Variants in PCBP3 observed in about 807,000 individuals in gnomAD.
PCBP3 encodes the protein poly(rC) binding protein 3, also known as poly(rC)-binding protein 3.
A neutral mutation model predicts 52.7 loss-of-function variants in PCBP3; 25 were observed. That is an observed-to-expected ratio of 0.47 (90% CI 0.35 to 0.66). The LOEUF is 0.66. Among genes scored for constraint, PCBP3 ranks in the 30% least tolerant of loss-of-function variants. The pLI, the probability that PCBP3 is intolerant of heterozygous loss-of-function variation, is 0.01. For synonymous variants in PCBP3, 162 were observed against 183.0 expected, an observed-to-expected ratio of 0.89 and a Z score of 0.93; for missense variants, 391 against 490.3, an observed-to-expected ratio of 0.80 and a Z score of 1.91.
At chr21:45,799,552 G>T (rs1036436792) in intron 4 of PCBP3, among the ~76,000 whole-genome samples, 3 of 152,128 alleles carry the variant, frequency 2.0e-5, no homozygotes, top group Non-Finnish European at 2.9e-5. Context: ...GTCTTGGAAC[G>T]TACCCCTCTT....
rs1434135119 is a variant in PCBP3, at chr21:45,656,673, AAAAT to A, written c.-278-12192_-278-12189del. On this transcript the variant is annotated intron_variant, in intron 1 of 17. Coordinates refer to ENST00000681687, the MANE Select transcript of PCBP3 (RefSeq NM_001384156.1). The surrounding 1 kb of genome is among the most constrained non-coding windows in gnomAD (Gnocchi z 4.3). ...AAAAAAATAGCTGAAAACAAAAACA[AAAAT>A]AAATAAATCCTTTGCCCATTTAAAA... Among the ~76,000 whole-genome samples, 21 of 152,304 alleles carry A rather than the reference AAAAT, an allele frequency of 1.4e-4. No homozygotes were observed. Among genetic ancestry groups the A allele is most frequent in the Middle Eastern group, 6.8e-3 (2 of 294 alleles).
At chr21:45,812,582 A>G (rs928088725) in intron 4 of PCBP3, among the ~76,000 whole-genome samples, 2 of 152,092 alleles carry the variant, frequency 1.3e-5, no homozygotes, top group African/African-American at 4.8e-5. Context: ...TTGTATTTTT[A>G]GTACAAACCG....
chr21:45,865,027 G>A (rs1470593753), intron 5 of PCBP3, among the ~76,000 whole-genome samples: 4 of 152,168 alleles, frequency 2.6e-5, no homozygotes, highest in Admixed American at 6.5e-5. Flanking sequence ...CTAAAGGACT[G>A]TTTCTTACCC....
chr21:45,933,825 C>A (rs1275815256), intron 15 of PCBP3, among the ~76,000 whole-genome samples: 1 of 152,108 alleles, frequency 6.6e-6, no homozygotes, highest in African/African-American at 2.4e-5. Context: ...GGTGCCAGTA[C>A]CATAAGACAA....
chr21:45,820,343 T>C (rs572008728), intron 4 of PCBP3, among the ~76,000 whole-genome samples: 1 of 152,364 alleles, frequency 6.6e-6, no homozygotes, highest in South Asian at 2.1e-4. Context: ...CCCCATTTTA[T>C]CTCGTCGCTT....
intron 5 of PCBP3, among the ~76,000 whole-genome samples, chr21:45,876,772 C>G (rs1004318341): frequency 1.3e-5 from 2 of 152,268 alleles, no homozygotes; most frequent in African/African-American, 4.8e-5. Context: ...CCACCCACCC[C>G]GCACTGTGTT....
intron 1 of PCBP3, among the ~76,000 whole-genome samples, chr21:45,646,647 A>G (rs2079332238): frequency 6.6e-6 from 1 of 152,232 alleles, no homozygotes; most frequent in Non-Finnish European, 1.5e-5. Flanking sequence ...ATGAGGGCAG[A>G]GCCCTCTTGA....
chr21:45,851,379 G>T (rs1298577704), intron 5 of PCBP3, among the ~76,000 whole-genome samples: 1 of 152,188 alleles, frequency 6.6e-6, no homozygotes, highest in Non-Finnish European at 1.5e-5. Context: ...AGGTGTGGTG[G>T]TGTGTGCCTT....
At chr21:45,910,692 G>A (rs768881094) in intron 10 of PCBP3, among the ~76,000 whole-genome samples, 10 of 151,804 alleles carry the variant, frequency 6.6e-5, no homozygotes, top group Middle Eastern at 6.8e-3. Context: ...AAGTGCGCCC[G>A]AGGGAAGGCA....
chr21:45,718,349 T>C (rs970805588), intron 2 of PCBP3, among the ~76,000 whole-genome samples: 1 of 151,964 alleles, frequency 6.6e-6, no homozygotes, highest in Non-Finnish European at 1.5e-5. Flanking sequence ...ATAGTATTTG[T>C]TGTTTCCTTC....
chr21:45,669,805 G>GTGTATATATA (rs1228443065), intron 2 of PCBP3, among the ~76,000 whole-genome samples: 1 of 49,724 alleles, frequency 2.0e-5, no homozygotes, highest in Non-Finnish European at 3.9e-5. Flanking sequence ...GTGTGTGTGT[G>GTGTATATATA]TATATATATA....
intron 5 of PCBP3, among the ~76,000 whole-genome samples, chr21:45,877,094 T>C (rs2095279108): frequency 6.6e-6 from 1 of 152,248 alleles, no homozygotes; most frequent in Admixed American, 6.5e-5. Flanking sequence ...GCCTTACAAC[T>C]TGGGCCTCAC....
intron 4 of PCBP3, among the ~76,000 whole-genome samples, chr21:45,840,005 C>G (rs926263175): frequency 6.6e-6 from 1 of 150,846 alleles, no homozygotes; most frequent in African/African-American, 2.4e-5. Flanking sequence ...TAGTTTTCAA[C>G]CAAAAGTTTA....
chr21:45,811,467 C>A (rs1292671960), intron 4 of PCBP3, among the ~76,000 whole-genome samples: 3 of 152,250 alleles, frequency 2.0e-5, no homozygotes, highest in African/African-American at 7.2e-5. Flanking sequence ...TTAGAGTGGC[C>A]CCACCTGGAT....
intron 3 of PCBP3, among the ~76,000 whole-genome samples, chr21:45,745,529 T>G (rs1479179403): frequency 6.6e-6 from 1 of 152,186 alleles, no homozygotes; most frequent in Non-Finnish European, 1.5e-5. Flanking sequence ...ACCTCGTGTG[T>G]TCTAGCCTGT....
At chr21:45,925,900 A>G (rs1569503918) in intron 13 of PCBP3, among the ~76,000 whole-genome samples, 1 of 152,238 alleles carries the variant, frequency 6.6e-6, no homozygotes, top group African/African-American at 2.4e-5. Flanking sequence ...GTGATAGGCC[A>G]AGTAGACAAG....
intron 9 of PCBP3, among the ~76,000 whole-genome samples, chr21:45,906,143 C>A (rs548169312): frequency 1.4e-4 from 22 of 152,338 alleles, no homozygotes; most frequent in African/African-American, 4.6e-4. Context: ...CCATTGAGGG[C>A]AAAACATGCT....
intron 17 of PCBP3, 57 bp from the exon 18 acceptor site, chr21:45,941,613 A>C: frequency 6.6e-7 from 1 of 1,514,932 alleles, no homozygotes; most frequent in Non-Finnish European, 9.0e-7. Flanking sequence ...ACGTCTGCCC[A>C]CTGATGAGGG....
intron 2 of PCBP3, among the ~76,000 whole-genome samples, chr21:45,710,337 G>C (rs1477237098): frequency 1.3e-5 from 2 of 152,144 alleles, no homozygotes; most frequent in African/African-American, 4.8e-5. Context: ...CCTGGTGTGT[G>C]ATGTTCCCCT....
Sources: gnomAD v4.1 joint callset for allele counts (sites outside exome capture counted in the v4.1 genomes callset) on GRCh38, gnomAD v4.1.1 for gene constraint, Gnocchi (gnomAD v3.1) non-coding constraint, MANE v1.5 for transcripts, NCBI Gene and HGNC (gene_info 2026-07-23, HGNC 2026-07-21) for gene names.